SLC25A4: variants seen among roughly 807,000 people sequenced by gnomAD.
SLC25A4 encodes the protein solute carrier family 25 member 4, also known as ADP/ATP translocase 1.
In SLC25A4, 10 loss-of-function variants were observed where a neutral mutation model predicts 24.7. The observed-to-expected ratio is 0.41, with a 90% CI of 0.25 to 0.69. The LOEUF (loss-of-function observed/expected upper bound fraction) is 0.69. SLC25A4 is among the 30% of genes least tolerant of loss of function. The probability of loss-of-function intolerance (pLI) is 0.35; values close to 1 mark genes in which losing one functional copy is unlikely to be tolerated. For synonymous variants in SLC25A4, 125 were observed against 153.3 expected (o/e 0.82, Z 1.36); for missense variants, 273 against 387.6 (o/e 0.70, Z 2.48).
intron 1 of SLC25A4, 31 bp downstream of exon 1, chr4:185,143,514 CGGGCGCGGCGGGCCGGGCG>C (rs1734382807): frequency 2.0e-6 from 2 of 1,023,714 alleles, no homozygotes; most frequent in Admixed American, 4.5e-5. Context: ...GAGGCGGGCG[CGGGCGCGGCGGGCCGGGCG>C]GGGCGCGCGA....
chr4:185,146,673 G>C, intron 3 of SLC25A4, 141 bp from the exon 4 acceptor site: 2 of 862,194 alleles, frequency 2.3e-6, no homozygotes, highest in Admixed American at 3.8e-5. Context: ...GATGTCCAGT[G>C]GGATGTTGCA....
In SLC25A4 at chr4:185,146,952, A is replaced by G; in HGVS notation, c.878A>G (p.Glu293Gly). 6.2e-7 allele frequency: 1 copy of G among 1,614,120 alleles called. No homozygotes were observed. Among genetic ancestry groups the G allele is most frequent in the East Asian group, 2.2e-5 (1 of 44,878 alleles). ...GGAFVLVLYDEIKKYV is the reference protein window; with the variant it reads ...GGAFVLVLYDGIKKYV ...GCTTTTGTATTGGTGTTGTATGATGAGATCAAAAAATATGTCTAATGTAAT... is the reference window on the plus strand; with the variant it reads ...GCTTTTGTATTGGTGTTGTATGATGGGATCAAAAAATATGTCTAATGTAAT... Residue 293 changes from glutamate (E) to glycine (G), a missense_variant, in exon 4 of 4, where the codon GAG (glutamate) becomes GGG (glycine). Coordinates refer to ENST00000281456, the MANE Select transcript of SLC25A4 (RefSeq NM_001151.4).
Position 185,145,671 on chromosome 4 carries a change from T to C in SLC25A4, c.599-88T>C, listed in dbSNP as rs1734429099. 7 of 1,519,268 alleles carry C rather than the reference T, an allele frequency of 4.6e-6. No individual in the cohort carries two copies. The highest frequency in any genetic ancestry group is 1.7e-5 in the Admixed American group (1 of 58,814). 94.1% of individuals were successfully genotyped at this position (1,519,268 alleles called of 1,614,324 possible). ...TCCCCGCAAGGTCAGAGCATGGAGC[T>C]GGAGGTGCAGTGGCCTCTCTCCCTC... On this transcript the variant is annotated intron_variant, in intron 2 of 3. Transcript: ENST00000281456. This position sits in a 1 kb window ranked among gnomAD's most constrained non-coding sequence, Gnocchi z 5.5.
At position 185,143,503 on chromosome 4, in the gene SLC25A4, A is replaced by G. The variant is rs546643193; in HGVS notation, c.111+20A>G. 83 of 1,178,792 alleles carry G rather than the reference A, an allele frequency of 7.0e-5. No homozygotes were observed. The East Asian group carries it at 2.9e-3, about 41-fold the overall frequency. 73.0% of individuals were successfully genotyped at this position (1,178,792 alleles called of 1,614,324 possible). ...CTGCAGGTGAGGACCGCGCGGTGCA[A>G]GAGGCGGGCGCGGGCGCGGCGGGCC... On this transcript the variant is annotated intron_variant, in intron 1 of 3. Transcript: ENST00000281456.
Position 185,148,120 on chromosome 4 carries a change from G to A in SLC25A4, c.*1149G>A, listed in dbSNP as rs1238765673. 6.6e-6 allele frequency: 1 copy of A among 152,216 alleles called. No individual in the cohort carries two copies. Among genetic ancestry groups the A allele is most frequent in the Non-Finnish European group, 1.5e-5 (1 of 68,078 alleles). 9.4% of individuals were successfully genotyped at this position (152,216 alleles called of 1,614,324 possible). ...AGGTCCAAGATCAAGGTGACACTGT[G>A]GTCAGGTTCTGATGAGGGCCCTCTT... On this transcript the variant is annotated 3_prime_UTR_variant, in exon 4 of 4. Coordinates refer to ENST00000281456, the MANE Select transcript of SLC25A4 (RefSeq NM_001151.4).
chr4:185,143,508 C>A lies in SLC25A4; in HGVS notation c.111+25C>A, dbSNP rs566595411. On this transcript the variant is annotated intron_variant, in intron 1 of 3. Transcript: ENST00000281456. The stretch of plus-strand genomic sequence containing the variant: ...GGTGAGGACCGCGCGGTGCAAGAGG[C>A]GGGCGCGGGCGCGGCGGGCCGGGCG... 2.0e-4 allele frequency: 212 copies of A among 1,083,538 alleles called. No homozygotes were observed. The African/African-American group carries it at 3.3e-3, about 17-fold the overall frequency. 67.1% of individuals were successfully genotyped at this position (1,083,538 alleles called of 1,614,324 possible). A position where few individuals can be genotyped will look rare whatever the true frequency, so the allele number is the denominator to read the frequency against.
chr4:185,147,321 A>G lies in SLC25A4; in HGVS notation c.*350A>G, dbSNP rs993449716. 4.5e-6 allele frequency: 1 copy of G among 223,860 alleles called. No individual in the cohort carries two copies. The highest frequency in any genetic ancestry group is 1.1e-4 in the East Asian group (1 of 9,048). The allele number at this position is 223,860 out of a possible 1,614,324, so 13.9% of individuals were successfully genotyped here. ...ATTAACTGTAAAATGCATTTTTAAA[A>G]GATCAAAAATGCATATTTTCTAGCA... is the stretch of plus-strand genomic sequence containing the variant. On this transcript the variant is annotated 3_prime_UTR_variant, in exon 4 of 4. Coordinates refer to ENST00000281456, the MANE Select transcript of SLC25A4 (RefSeq NM_001151.4).
At chr4:185,144,502 C>CACCTTTTCAGTTTATTTGGGGCAAT in intron 1 of SLC25A4, among the ~76,000 whole-genome samples, 1 of 152,218 alleles carries the variant, frequency 6.6e-6, no homozygotes, top group African/African-American at 2.4e-5. Context: ...ATAATTCAAT[C>CACCTTTTCAGTTTATTTGGGGCAAT]ACCTTTTCAG....
At chr4:185,146,325 GAA>G (rs1023239984) in intron 3 of SLC25A4, among the ~76,000 whole-genome samples, 27 of 152,200 alleles carry the variant, frequency 1.8e-4, no homozygotes, top group African/African-American at 6.5e-4. Context: ...TTGTGCCAGA[GAA>G]AGTTTTGGCT....
rs34935621 is a variant in SLC25A4 at position 185,147,304 on chromosome 4, TA to T, written c.*337del. On this transcript the variant is annotated 3_prime_UTR_variant, in exon 4 of 4. Transcript: ENST00000281456. Reference sequence around the variant, plus strand: ...TATTTTATTGAACTCTTATTAACTGTAAAATGCATTTTTAAAAGATCAAAAA... The same window carrying T: ...TATTTTATTGAACTCTTATTAACTGTAAATGCATTTTTAAAAGATCAAAAA... The T allele has an allele frequency of 4.3e-6, 1 of 234,596 alleles. No homozygotes were observed. Among genetic ancestry groups the T allele is most frequent in the African/African-American group, 2.3e-5 (1 of 43,890 alleles). The allele number at this position is 234,596 out of a possible 1,614,324, so 14.5% of individuals were successfully genotyped here. A position where few individuals can be genotyped will look rare whatever the true frequency, so the allele number is the denominator to read the frequency against.
At position 185,147,057 on chromosome 4, in the gene SLC25A4, T is replaced by A; in HGVS notation, c.*86T>A. ...ATTGTGTGGTTTAATAGACTATTCC[T>A]AGGGGAAGTAAAAAGATCTGGGATA... On this transcript the variant is annotated 3_prime_UTR_variant, in exon 4 of 4. Coordinates refer to ENST00000281456, the MANE Select transcript of SLC25A4 (RefSeq NM_001151.4). 7.9e-7 allele frequency: 1 copy of A among 1,270,650 alleles called. No individual in the cohort carries two copies. The highest frequency in any genetic ancestry group is 1.3e-5 in the South Asian group (1 of 78,196). 78.7% of individuals were successfully genotyped at this position (1,270,650 alleles called of 1,614,324 possible).
chr4:185,146,481 G>A (rs1309333187), intron 3 of SLC25A4, among the ~76,000 whole-genome samples: 1 of 152,248 alleles, frequency 6.6e-6, no homozygotes, highest in East Asian at 1.9e-4. Context: ...CTCGGCCTCA[G>A]TTCGGTCCTC....
In SLC25A4 at chr4:185,145,539, A is replaced by C; in HGVS notation, c.599-220A>C. On this transcript the variant is annotated intron_variant, in intron 2 of 3. Coordinates refer to ENST00000281456, the MANE Select transcript of SLC25A4 (RefSeq NM_001151.4). This position sits in a 1 kb window ranked among gnomAD's most constrained non-coding sequence, Gnocchi z 5.5. ...CTGAGTTTAACTTGAAGCCACTTCC[A>C]ATGCCCTGTATACAAGCTGAGCACT... 1 of 669,098 alleles carries C rather than the reference A, an allele frequency of 1.5e-6. No individual in the cohort carries two copies. The highest frequency in any genetic ancestry group is 2.5e-6 in the Non-Finnish European group (1 of 399,610). The allele number at this position is 669,098 out of a possible 1,614,324, so 41.4% of individuals were successfully genotyped here.
At position 185,144,879 on chromosome 4, in the gene SLC25A4, C is replaced by T. The variant is rs749367984; in HGVS notation, c.227C>T (p.Ala76Val). ...CTCTCCTTCTGGAGGGGTAACCTGG[C>T]CAACGTGATCCGTTACTTCCCCACC... ...GFLSFWRGNL[A>V]NVIRYFPTQA... Residue 76 changes from alanine (A) to valine (V), a missense_variant, in exon 2 of 4, where the codon GCC becomes GTC. Physicochemically the swap from Ala to Val is moderately conservative, Grantham distance 64. Transcript: ENST00000281456. The T allele has an allele frequency of 6.2e-7, 1 of 1,614,170 alleles. No homozygotes were observed. The highest frequency in any genetic ancestry group is 1.7e-5 in the Admixed American group (1 of 60,020).
Position 185,145,378 on chromosome 4 carries a change from G to C in SLC25A4, c.598+128G>C, listed in dbSNP as rs527891657. 7.2e-7 allele frequency: 1 copy of C among 1,390,428 alleles called. No homozygotes were observed. The highest frequency in any genetic ancestry group is 2.3e-5 in the East Asian group (1 of 43,488). 86.1% of individuals were successfully genotyped at this position (1,390,428 alleles called of 1,614,324 possible). A position where few individuals can be genotyped will look rare whatever the true frequency, so the allele number is the denominator to read the frequency against. ...AGTCTCTGGGATAATTGAGGCTTCT[G>C]AATGAGGAGGTGATGTGCATAAGTT... On this transcript the variant is annotated intron_variant, in intron 2 of 3. Transcript: ENST00000281456. This position sits in a 1 kb window ranked among gnomAD's most constrained non-coding sequence, Gnocchi z 5.5.
In SLC25A4 at chr4:185,144,884, G is replaced by A. The variant is rs1734409591; in HGVS notation, c.232G>A (p.Val78Met). ...CTTCTGGAGGGGTAACCTGGCCAAC[G>A]TGATCCGTTACTTCCCCACCCAAGC... The part of the protein sequence containing the change: ...LSFWRGNLAN[V>M]IRYFPTQALN... The change falls in exon 2 of 4, where the codon GTG becomes ATG. Residue 78 changes from valine (V) to methionine (M), a missense_variant. Coordinates refer to ENST00000281456, the MANE Select transcript of SLC25A4 (RefSeq NM_001151.4). 6.2e-7 allele frequency: 1 copy of A among 1,614,028 alleles called. No homozygotes were observed. The highest frequency in any genetic ancestry group is 1.3e-5 in the African/African-American group (1 of 74,894).
intron 3 of SLC25A4, among the ~76,000 whole-genome samples, chr4:185,146,550 C>T (rs780320565): frequency 3.9e-5 from 6 of 152,212 alleles, no homozygotes; most frequent in Non-Finnish European, 8.8e-5. Context: ...CTTCTTGTTT[C>T]GCAGTTGGGC....
At position 185,145,869 on chromosome 4, in the gene SLC25A4, A is replaced by G. The variant is rs775550324; in HGVS notation, c.709A>G (p.Arg237Gly). The change falls in exon 3 of 4, where the codon AGA becomes GGA. Residue 237 changes from arginine to glycine, a missense_variant. By Grantham distance (125) the Arg-to-Gly change is moderately radical (BLOSUM62 -2). Transcript: ENST00000281456. This position sits in a 1 kb window ranked among gnomAD's most constrained non-coding sequence, Gnocchi z 5.5. ...VSYPFDTVRR[R>G]MMMQSGRKGA... Reference sequence around the variant, plus strand: ...CTACCCCTTTGACACTGTTCGTCGTAGAATGATGATGCAGTCCGGCCGGAA... The same window carrying G: ...CTACCCCTTTGACACTGTTCGTCGTGGAATGATGATGCAGTCCGGCCGGAA... 3 of 1,614,250 alleles carry G rather than the reference A, an allele frequency of 1.9e-6. No individual in the cohort carries two copies. Among genetic ancestry groups the G allele is most frequent in the Non-Finnish European group, 1.7e-6 (2 of 1,180,038 alleles).
At position 185,143,324 on chromosome 4, in the gene SLC25A4, C is replaced by A; in HGVS notation, c.-49C>A. ...GCGGCGGTGCCAGGCCGGGCGTGGG[C>A]GAGAGCACGAACGGGCTGCCTGCGG... On this transcript the variant is annotated 5_prime_UTR_variant, in exon 1 of 4. Transcript: ENST00000281456. The A allele has an allele frequency of 1.7e-6, 2 of 1,160,660 alleles. No individual in the cohort carries two copies. The highest frequency in any genetic ancestry group is 1.2e-6 in the Non-Finnish European group (1 of 808,090). The allele number at this position is 1,160,660 out of a possible 1,614,324, so 71.9% of individuals were successfully genotyped here.
Sources: allele counts gnomAD v4.1 joint callset (sites outside exome capture counted in the v4.1 genomes callset), GRCh38; gene constraint gnomAD v4.1.1; non-coding constraint Gnocchi (gnomAD v3.1); transcripts MANE v1.5; gene names NCBI Gene and HGNC (gene_info 2026-07-23, HGNC 2026-07-21).